Variants in LRRC4C observed in about 807,000 individuals in gnomAD.
The protein encoded by LRRC4C is leucine rich repeat containing 4C, also known as leucine-rich repeat-containing protein 4C.
A neutral mutation model predicts 33.6 loss-of-function variants in LRRC4C; 5 were observed. The ratio of observed to expected loss-of-function variants is 0.15; its 90% CI spans 0.08 to 0.31. LRRC4C has a LOEUF of 0.31. Among genes scored for constraint, LRRC4C ranks in the 10% least tolerant of loss-of-function variants. The pLI, the probability that LRRC4C is intolerant of heterozygous loss-of-function variation, is 1.00. For synonymous variants in LRRC4C, 329 were observed against 302.0 expected (o/e 1.09, Z -0.93); for missense variants, 560 against 796.7 (o/e 0.70, Z 3.58).
chr11:41,026,248 A>G (rs904536075), intron 1 of LRRC4C, among the ~76,000 whole-genome samples: 1 of 151,690 alleles, frequency 6.6e-6, no homozygotes, highest in African/African-American at 2.4e-5. Flanking sequence ...GGAGGCCAAA[A>G]TATCAACATT....
At chr11:40,366,580 A>G (rs1470325438) in intron 3 of LRRC4C, among the ~76,000 whole-genome samples, 2 of 152,106 alleles carry the variant, frequency 1.3e-5, no homozygotes, top group Non-Finnish European at 2.9e-5. Flanking sequence ...GCATGTATAT[A>G]TAACATACGT....
chr11:41,015,999 CAAA>C (rs1855561818), intron 1 of LRRC4C, among the ~76,000 whole-genome samples: 2 of 151,876 alleles, frequency 1.3e-5, no homozygotes, highest in African/African-American at 2.4e-5. Context: ...GACTCCGTCT[CAAA>C]AAACAACAAC....
At chr11:40,540,151 T>C (rs984914695) in intron 3 of LRRC4C, among the ~76,000 whole-genome samples, 6 of 152,216 alleles carry the variant, frequency 3.9e-5, no homozygotes, top group African/African-American at 1.4e-4. Flanking sequence ...CCAACTCTAC[T>C]ATTCAGTGCT....
intron 1 of LRRC4C, among the ~76,000 whole-genome samples, chr11:41,457,907 T>C (rs1204844358): frequency 6.6e-6 from 1 of 152,150 alleles, no homozygotes; most frequent in African/African-American, 2.4e-5. Flanking sequence ...AAGGCTAGGA[T>C]AGCCTAGGGT....
chr11:40,582,223 A>G (rs1275333592), intron 3 of LRRC4C, among the ~76,000 whole-genome samples: 1 of 152,160 alleles, frequency 6.6e-6, no homozygotes, highest in Non-Finnish European at 1.5e-5. Context: ...AGGTTTTAAA[A>G]TTTTGTTCCA....
intron 2 of LRRC4C, among the ~76,000 whole-genome samples, chr11:40,822,803 G>A (rs193199995): frequency 3.4e-4 from 51 of 151,620 alleles, no homozygotes; most frequent in Non-Finnish European, 6.1e-4. Context: ...CCTAGTTTTA[G>A]GCCTTACATT....
intron 1 of LRRC4C, among the ~76,000 whole-genome samples, chr11:41,353,798 CTCTT>C (rs980280589): frequency 4.6e-5 from 7 of 151,964 alleles, no homozygotes; most frequent in Non-Finnish European, 8.8e-5. Context: ...AGACACATAA[CTCTT>C]TCAATAAAAT....
intron 1 of LRRC4C, among the ~76,000 whole-genome samples, chr11:41,131,499 T>G (rs1943011096): frequency 6.6e-6 from 1 of 152,140 alleles, no homozygotes; most frequent in African/African-American, 2.4e-5. Flanking sequence ...GTTACGACCA[T>G]GTATATTTTG....
chr11:40,205,252 T>C (rs1863059613), intron 5 of LRRC4C, among the ~76,000 whole-genome samples: 1 of 152,176 alleles, frequency 6.6e-6, no homozygotes, highest in African/African-American at 2.4e-5. Context: ...AAATAAAATT[T>C]ACGGTGTGAT....
chr11:40,415,051 T>C (rs1405086638), intron 3 of LRRC4C, among the ~76,000 whole-genome samples: 1 of 152,238 alleles, frequency 6.6e-6, no homozygotes, highest in African/African-American at 2.4e-5. Flanking sequence ...CCCAGCCATG[T>C]ATTCCATCTG....
intron 2 of LRRC4C, among the ~76,000 whole-genome samples, chr11:40,738,294 C>T (rs1015820794): frequency 5.3e-5 from 8 of 152,118 alleles, no homozygotes; most frequent in African/African-American, 1.2e-4. Flanking sequence ...GAGTGTACCA[C>T]GATACGGCCC....
At chr11:40,668,134 C>A (rs1314018519) in intron 2 of LRRC4C, among the ~76,000 whole-genome samples, 2 of 152,138 alleles carry the variant, frequency 1.3e-5, no homozygotes, top group Non-Finnish European at 2.9e-5. Context: ...TTTCCACATG[C>A]TTCTGATGAT....
intron 2 of LRRC4C, among the ~76,000 whole-genome samples, chr11:40,667,831 A>T (rs920452767): frequency 5.3e-5 from 8 of 152,200 alleles, no homozygotes; most frequent in Admixed American, 1.3e-4. Context: ...TTGTAGTAGT[A>T]GGTATCTCTG....
chr11:40,114,772 G>A lies in LRRC4C; in HGVS notation c.1521C>T (p.Ile507=). 1 of 1,614,154 alleles carries A rather than the reference G, an allele frequency of 6.2e-7. No individual in the cohort carries two copies. The highest frequency in any genetic ancestry group is 8.5e-7 in the Non-Finnish European group (1 of 1,180,028). The change falls in exon 7 of 7, where the codon ATC becomes ATT. Residue 507 remains isoleucine, a synonymous_variant. Coordinates refer to ENST00000528697, the MANE Select transcript of LRRC4C (RefSeq NM_001258419.2). ...TCCCACTGTTTATATCAGTCACTGG[G>A]ATGGTGAAGGTTTTCTCTGTCGACC... is the stretch of plus-strand genomic sequence containing the variant. ...STRSTEKTFT[I]PVTDINSGIP...
At chr11:41,296,762 G>A (rs1298320281) in intron 1 of LRRC4C, among the ~76,000 whole-genome samples, 1 of 151,874 alleles carries the variant, frequency 6.6e-6, no homozygotes, top group Non-Finnish European at 1.5e-5. Flanking sequence ...ACAACAACAC[G>A]ACTACTGTCT....
rs148939410 is a variant in LRRC4C at position 40,579,602 on chromosome 11, T to C, written c.-270+68540A>G. Among the ~76,000 whole-genome samples the C allele has an allele frequency of 4.1e-4, 63 of 152,300 alleles. No homozygotes were observed. In the East Asian group the frequency reaches 0.012, roughly 28 times the overall value. On this transcript the variant is annotated intron_variant, in intron 3 of 6. Coordinates refer to ENST00000528697, the MANE Select transcript of LRRC4C (RefSeq NM_001258419.2). ...ACCACAGTCTAGTTTTAGAACATTTTCATCACCCAAAAATGTTGTCTGTTG... is the reference window on the plus strand; with the variant it reads ...ACCACAGTCTAGTTTTAGAACATTTCCATCACCCAAAAATGTTGTCTGTTG...
intron 5 of LRRC4C, among the ~76,000 whole-genome samples, chr11:40,218,713 A>ATCTATCTATCTG (rs1864178907): frequency 6.6e-6 from 1 of 150,998 alleles, no homozygotes; most frequent in Non-Finnish European, 1.5e-5. Context: ...CTATCTATCT[A>ATCTATCTATCTG]TCTATCTATC....
rs111337569 is a variant in LRRC4C, at chr11:40,789,671, G to T, written c.-406-141393C>A. Among the ~76,000 whole-genome samples, 584 of 152,282 alleles carry T rather than the reference G, an allele frequency of 3.8e-3. 3 individuals carry two copies. Among genetic ancestry groups the T allele is most frequent in the African/African-American group, 0.014 (565 of 41,556 alleles). ...CTTATTGAGTCAGAGTTAAATATAAGCATAGATGTGTACAAATGTTTCTGT... is the reference window on the plus strand; with the variant it reads ...CTTATTGAGTCAGAGTTAAATATAATCATAGATGTGTACAAATGTTTCTGT... On this transcript the variant is annotated intron_variant, in intron 2 of 6. Transcript: ENST00000528697.
intron 1 of LRRC4C, among the ~76,000 whole-genome samples, chr11:41,110,022 A>G (rs1437881872): frequency 6.6e-6 from 1 of 152,072 alleles, no homozygotes; most frequent in African/African-American, 2.4e-5. Context: ...TTCCTGGTTA[A>G]TACCTCACAG....
Sources: allele counts gnomAD v4.1 joint callset (sites outside exome capture counted in the v4.1 genomes callset), GRCh38; gene constraint gnomAD v4.1.1; transcripts MANE v1.5; gene names NCBI Gene and HGNC (gene_info 2026-07-23, HGNC 2026-07-21).